The following DOCK8 variants were observed in gnomAD, a reference collection of about 807,000 sequenced individuals.
DOCK8 encodes the protein dedicator of cytokinesis 8.
DOCK8 carries 141 observed loss-of-function variants against 245.6 expected under a neutral mutation model. The ratio of observed to expected loss-of-function variants is 0.57; its 90% confidence interval spans 0.50 to 0.66. The LOEUF (loss-of-function observed/expected upper bound fraction) is 0.66. Ranked by LOEUF, DOCK8 falls within the 30% of genes least tolerant of loss-of-function variation. The probability of loss-of-function intolerance (pLI) is 0.00; values close to 1 mark genes in which losing one functional copy is unlikely to be tolerated. For synonymous variants in DOCK8, 1,168 were observed against 970.2 expected (o/e 1.20, Z -3.79); for missense variants, 2,965 against 2,603.4 (o/e 1.14, Z -3.02).
At chr9:339,434 G>A (rs546753703) in intron 13 of DOCK8, among the ~76,000 whole-genome samples, 2 of 152,286 alleles carry the variant, frequency 1.3e-5, no homozygotes, top group South Asian at 2.1e-4. Context: ...TTTGGTAGAA[G>A]GCAAAGGCAT....
At chr9:451,964 T>C in intron 45 of DOCK8, 47 bp from the exon 46 acceptor site, 1 of 366,496 alleles carries the variant, frequency 2.7e-6, no homozygotes, top group Non-Finnish European at 4.5e-6. Context: ...TGTATATATA[T>C]ATATATATAT....
intron 14 of DOCK8, among the ~76,000 whole-genome samples, chr9:367,489 ATTATTC>A (rs751847376): frequency 3.3e-4 from 50 of 149,972 alleles, no homozygotes; most frequent in South Asian, 1.2e-3. Flanking sequence ...GGATGGATAT[ATTATTC>A]TTATTGTTGT....
intron 1 of DOCK8, among the ~76,000 whole-genome samples, chr9:218,370 A>G (rs1453894432): frequency 6.6e-6 from 1 of 152,236 alleles, no homozygotes; most frequent in Non-Finnish European, 1.5e-5. Context: ...AGAAGGAGTG[A>G]GCAGACTATC....
chr9:455,730 T>C (rs1317512935), intron 46 of DOCK8, among the ~76,000 whole-genome samples: 4 of 151,984 alleles, frequency 2.6e-5, no homozygotes, highest in Non-Finnish European at 5.9e-5. Flanking sequence ...GCCATCCTTA[T>C]CATCATTTAC....
chr9:449,033 A>C (rs573637157), intron 44 of DOCK8, among the ~76,000 whole-genome samples: 2 of 152,316 alleles, frequency 1.3e-5, no homozygotes, highest in African/African-American at 4.8e-5. Flanking sequence ...CTGTGCTTCT[A>C]CTACAGCTTT....
intron 1 of DOCK8, among the ~76,000 whole-genome samples, chr9:267,156 C>G (rs745899959): frequency 5.3e-5 from 8 of 152,162 alleles, no homozygotes; most frequent in Non-Finnish European, 1.2e-4. Context: ...TTAAACATCC[C>G]AAGTAGTACG....
intron 14 of DOCK8, among the ~76,000 whole-genome samples, chr9:360,971 G>T (rs1173246558): frequency 6.6e-6 from 1 of 152,126 alleles, no homozygotes; most frequent in African/African-American, 2.4e-5. Context: ...ACCAGCCTGG[G>T]TAACACAGGA....
At chr9:456,472 CATAA>C in intron 46 of DOCK8, 1 of 152,290 alleles carries the variant, frequency 6.6e-6, no homozygotes, top group South Asian at 2.1e-4. Flanking sequence ...CCAAGGTGAC[CATAA>C]ATGAGTCTCT....
chr9:461,134 G>A (rs1238296787), intron 46 of DOCK8, among the ~76,000 whole-genome samples: 2 of 152,164 alleles, frequency 1.3e-5, no homozygotes, highest in East Asian at 1.9e-4. Flanking sequence ...AAAACACCAG[G>A]TTTAACGGTC....
chr9:312,730 T>C (rs549070676), intron 6 of DOCK8: 33 of 332,806 alleles, frequency 9.9e-5, no homozygotes, highest in South Asian at 8.0e-4. Flanking sequence ...AATAGGATAA[T>C]GTAGACTTTG....
intron 1 of DOCK8, among the ~76,000 whole-genome samples, chr9:266,403 T>C (rs945953922): frequency 7.0e-6 from 1 of 143,300 alleles, no homozygotes; most frequent in Non-Finnish European, 1.5e-5. Context: ...GAACCAACCA[T>C]TCCTTCACAG....
intron 2 of DOCK8, chr9:277,138 G>C (rs2048377268): frequency 5.8e-6 from 1 of 172,714 alleles, no homozygotes; most frequent in Non-Finnish European, 1.3e-5. Flanking sequence ...GTAGAAGCCA[G>C]GCACAATGGC....
chr9:282,171 A>C (rs759349456), intron 2 of DOCK8, among the ~76,000 whole-genome samples: 1 of 152,174 alleles, frequency 6.6e-6, no homozygotes, highest in Non-Finnish European at 1.5e-5. Context: ...ATGGTTTATT[A>C]GAGTGCAATT....
chr9:338,931 C>T (rs930582012), intron 12 of DOCK8, 75 bp from the exon 13 acceptor site: 5 of 1,268,394 alleles, frequency 3.9e-6, no homozygotes, highest in Non-Finnish European at 5.7e-6. Context: ...AGGTAAAAAT[C>T]TTCCCAGAAA....
At chr9:428,321 C>G in intron 34 of DOCK8, 41 bp from the exon 35 acceptor site, 1 of 1,613,506 alleles carries the variant, frequency 6.2e-7, no homozygotes, top group Non-Finnish European at 8.5e-7. Context: ...TTCATTGGCA[C>G]AGTGCAGGGA....
intron 38 of DOCK8, 26 bp from the exon 39 acceptor site, chr9:434,757 C>G: frequency 6.2e-7 from 1 of 1,612,744 alleles, no homozygotes; most frequent in East Asian, 2.2e-5. Context: ...GTCCTCAAAA[C>G]TACTTCTCAC....
chr9:239,282 A>G (rs2047329376), intron 1 of DOCK8, among the ~76,000 whole-genome samples: 1 of 152,232 alleles, frequency 6.6e-6, no homozygotes, highest in African/African-American at 2.4e-5. Flanking sequence ...TAAAGGCTAA[A>G]AGGAAAGTTG....
intron 11 of DOCK8, among the ~76,000 whole-genome samples, chr9:334,942 G>A (rs991993117): frequency 5.3e-5 from 8 of 152,028 alleles, no homozygotes; most frequent in Non-Finnish European, 8.8e-5. Context: ...AATTTGCTGG[G>A]TGTGGTGGTA....
intron 2 of DOCK8, among the ~76,000 whole-genome samples, chr9:278,330 C>G (rs1180735132): frequency 6.6e-6 from 1 of 152,216 alleles, no homozygotes; most frequent in African/African-American, 2.4e-5. Context: ...ATCACAGAAG[C>G]TAGAAGAACT....
Sources: allele counts gnomAD v4.1 joint callset (sites outside exome capture counted in the v4.1 genomes callset), GRCh38; gene constraint gnomAD v4.1.1; transcripts MANE v1.5; gene names NCBI Gene and HGNC (gene_info 2026-07-23, HGNC 2026-07-21).